The following NKIRAS1 variants were observed in gnomAD, a reference collection of about 807,000 sequenced individuals.
NKIRAS1 encodes NF-kappa-B inhibitor-interacting Ras-like protein 1.
A neutral mutation model predicts 19.8 loss-of-function variants in NKIRAS1; 16 were observed. That is an observed-to-expected ratio of 0.81 (90% confidence interval 0.55 to 1.23). NKIRAS1 has a LOEUF of 1.23. NKIRAS1 is among the 50% of genes most tolerant of loss of function. The pLI, the probability that NKIRAS1 is intolerant of heterozygous loss-of-function variation, is 0.00. For missense variants in NKIRAS1, 184 were observed against 220.0 expected, an observed-to-expected ratio of 0.84 and a Z score of 1.04; for synonymous variants, 88 against 79.0, an observed-to-expected ratio of 1.11 and a Z score of -0.61.
chr3:23,920,218 T>G (rs537730308), upstream of NKIRAS1: 47 of 985,836 alleles, frequency 4.8e-5, no homozygotes, highest in African/African-American at 6.5e-4. Context: ...CTAAAATACT[T>G]AACCGTAATG....
rs1434413844 is a variant in NKIRAS1, at chr3:23,891,710, T to C, written c.*1385A>G. ...TCTCTTTCAGAGAAACTTATCTGGA[T>C]ACACATACATTCATTACAGAATTTA... On this transcript the variant is annotated 3_prime_UTR_variant, in exon 5 of 5. Coordinates refer to ENST00000425478, the MANE Select transcript of NKIRAS1 (RefSeq NM_020345.4). 6.6e-6 allele frequency: 1 copy of C among 152,234 alleles called. No individual in the cohort carries two copies. Among genetic ancestry groups the C allele is most frequent in the South Asian group, 2.1e-4 (1 of 4,832 alleles). 9.4% of individuals were successfully genotyped at this position (152,234 alleles called of 1,614,324 possible).
intron 3 of NKIRAS1, among the ~76,000 whole-genome samples, chr3:23,907,011 A>C (rs897556942): frequency 6.6e-6 from 1 of 152,028 alleles, no homozygotes; most frequent in African/African-American, 2.4e-5. Context: ...CTCATGACTC[A>C]GCCTCCTAGA....
upstream of NKIRAS1, chr3:23,919,870 G>A (rs1168727240): frequency 1.0e-6 from 1 of 1,002,260 alleles, no homozygotes; most frequent in South Asian, 4.6e-5. Context: ...ATGCTCTGCT[G>A]GTTTATTTTC....
intron 1 of NKIRAS1, among the ~76,000 whole-genome samples, chr3:23,940,298 G>C (rs1458564229): frequency 6.6e-6 from 1 of 151,390 alleles, no homozygotes; most frequent in Non-Finnish European, 1.5e-5. Flanking sequence ...TAAGTTATAT[G>C]ATTGCACCAC....
At chr3:23,901,173 AT>A in intron 3 of NKIRAS1, 124 bp from the exon 4 acceptor site, 1 of 963,368 alleles carries the variant, frequency 1.0e-6, no homozygotes, top group Non-Finnish European at 1.5e-6. Context: ...TCACATTTCT[AT>A]TTTACTTTTT....
rs756125231 is a variant in NKIRAS1, at chr3:23,893,330, A to G, written c.344T>C (p.Ile115Thr). Residue 115 changes from isoleucine (I) to threonine (T), a missense_variant, in exon 5 of 5, where the codon ATT becomes ACT. Physicochemically the swap from Ile to Thr is moderately conservative, Grantham distance 89. Coordinates refer to ENST00000425478, the MANE Select transcript of NKIRAS1 (RefSeq NM_020345.4). ...DKFKDKKEVA[I>T]VVLGNKIDLS... Reference sequence around the variant, plus strand: ...GTCGATTTTGTTTCCTAATACCACAATTGCTACCTGAAAGAAAACGGATTG... The same window carrying G: ...GTCGATTTTGTTTCCTAATACCACAGTTGCTACCTGAAAGAAAACGGATTG... 5.6e-6 allele frequency: 9 copies of G among 1,612,966 alleles called. No homozygotes were observed. The highest frequency in any genetic ancestry group is 5.1e-6 in the Non-Finnish European group (6 of 1,179,588).
upstream of NKIRAS1, chr3:23,917,888 T>A: frequency 6.2e-7 from 1 of 1,611,658 alleles, no homozygotes; most frequent in Non-Finnish European, 8.5e-7. Context: ...ATCCAGGAGC[T>A]ATGGAGAAAG....
chr3:23,900,830 T>C lies in NKIRAS1; in HGVS notation c.314A>G (p.Asp105Gly), dbSNP rs1259597899. ...TGCCTCTTTTTTGTCTTTGAACTTATCGATTTCTTTCTTCAGAAGCTCCAC... is the reference window on the plus strand; with the variant it reads ...TGCCTCTTTTTTGTCTTTGAACTTACCGATTTCTTTCTTCAGAAGCTCCAC... The part of the protein sequence containing the change: ...QRVELLKKEI[D>G]KFKDKKEVAI... Residue 105 changes from aspartate to glycine, a missense_variant, in exon 4 of 5, where the codon GAT (aspartate) becomes GGT (glycine). Asp to Gly is a moderately conservative substitution (Grantham distance 94). Transcript: ENST00000425478. 1.3e-5 allele frequency: 21 copies of C among 1,613,788 alleles called. No individual in the cohort carries two copies. The highest frequency in any genetic ancestry group is 2.7e-5 in the African/African-American group (2 of 74,938).
chr3:23,929,948 A>G (rs1393123636), intron 1 of NKIRAS1, among the ~76,000 whole-genome samples: 1 of 152,080 alleles, frequency 6.6e-6, no homozygotes, highest in Admixed American at 6.5e-5. Context: ...ATTGGAAAAA[A>G]TGATAGAATT....
intron 4 of NKIRAS1, among the ~76,000 whole-genome samples, chr3:23,896,163 C>T (rs1701975518): frequency 6.9e-6 from 1 of 145,816 alleles, no homozygotes; most frequent in African/African-American, 2.5e-5. Context: ...AAAACTTCCA[C>T]ATTCTTCCGC....
chr3:23,921,937 G>T, upstream of NKIRAS1: 1 of 276,010 alleles, frequency 3.6e-6, no homozygotes, highest in Non-Finnish European at 6.7e-6. Context: ...TCAAACTACT[G>T]GCCTCAAGCA....
upstream of NKIRAS1, chr3:23,917,816 C>G: frequency 6.4e-7 from 1 of 1,566,108 alleles, no homozygotes; most frequent in South Asian, 1.2e-5. Context: ...GTACTTAAAG[C>G]GGATGATATT....
intron 1 of NKIRAS1, among the ~76,000 whole-genome samples, chr3:23,915,040 T>C (rs1196309350): frequency 2.0e-5 from 3 of 152,206 alleles, no homozygotes; most frequent in African/African-American, 4.8e-5. Flanking sequence ...CTCAAAGATA[T>C]CGTAATCCCC....
At chr3:23,904,095 G>A (rs9815334) in intron 3 of NKIRAS1, among the ~76,000 whole-genome samples, 31,982 of 152,134 alleles carry the variant, frequency 0.21, 3,366 homozygotes, top group African/African-American at 0.23. Context: ...AACTCAGGAT[G>A]CGGAGGCTGC....
intron 3 of NKIRAS1, among the ~76,000 whole-genome samples, chr3:23,906,628 T>C (rs9850255): frequency 0.21 from 31,763 of 151,440 alleles, 3,339 homozygotes; most frequent in African/African-American, 0.23. Flanking sequence ...ATAGTAAATA[T>C]ATTTTTTCTT....
chr3:23,894,120 T>G (rs933011992), intron 4 of NKIRAS1, among the ~76,000 whole-genome samples: 5 of 152,140 alleles, frequency 3.3e-5, no homozygotes, highest in African/African-American at 9.7e-5. Flanking sequence ...ACAAAAAAAG[T>G]ATGTGCCAAT....
At chr3:23,916,347 T>C (rs1212950077) in intron 1 of NKIRAS1, 1 of 152,206 alleles carries the variant, frequency 6.6e-6, no homozygotes, top group African/African-American at 2.4e-5. Context: ...CAGCATTTTC[T>C]CGGCATTTCT....
rs574275994 is a variant in NKIRAS1, at chr3:23,898,737, C to A, written c.336+2071G>T. Among the ~76,000 whole-genome samples the A allele has an allele frequency of 5.3e-4, 81 of 152,274 alleles. No individual in the cohort carries two copies. The Middle Eastern group carries it at 0.02, about 38-fold the overall frequency. ...GGGATTACAGGTGTGAATCACTGCA[C>A]CTGGCCTGTATGATTTCTTTTATAT... On this transcript the variant is annotated intron_variant, in intron 4 of 4. Coordinates refer to ENST00000425478, the MANE Select transcript of NKIRAS1 (RefSeq NM_020345.4).
intron 1 of NKIRAS1, among the ~76,000 whole-genome samples, chr3:23,914,538 T>A (rs1464568435): frequency 6.6e-6 from 1 of 152,236 alleles, no homozygotes; most frequent in Non-Finnish European, 1.5e-5. Context: ...CAACAGGTTT[T>A]GCACACAGTA....
Sources: gnomAD v4.1 joint callset for allele counts (sites outside exome capture counted in the v4.1 genomes callset) on GRCh38, gnomAD v4.1.1 for gene constraint, MANE v1.5 for transcripts, NCBI Gene and HGNC (gene_info 2026-07-23, HGNC 2026-07-21) for gene names.